The following SIRT1 variants were observed in gnomAD, a reference collection of about 807,000 sequenced individuals.
SIRT1 encodes the protein NAD-dependent protein deacetylase sirtuin-1.
A neutral mutation model predicts 67.9 loss-of-function variants in SIRT1; 24 were observed. That is an observed-to-expected ratio of 0.35 (90% CI 0.26 to 0.50). SIRT1 has a LOEUF of 0.50. Among genes scored for constraint, SIRT1 ranks in the 20% least tolerant of loss-of-function variants. SIRT1 has a pLI of 0.98. For synonymous variants in SIRT1, 378 were observed against 350.7 expected (o/e 1.08, Z -0.87); for missense variants, 873 against 937.2 (o/e 0.93, Z 0.89).
chr10:67,895,835 G>A lies in SIRT1; in HGVS notation c.942+4281G>A, dbSNP rs377626440. Among the ~76,000 whole-genome samples, 76 of 130,574 alleles carry A rather than the reference G, an allele frequency of 5.8e-4. No individual in the cohort carries two copies. In the East Asian group the frequency reaches 5.9e-3, roughly 10 times the overall value. 85.7% of individuals were successfully genotyped at this position (130,574 alleles called of 152,430 possible). A position where few individuals can be genotyped will look rare whatever the true frequency, so the allele number is the denominator to read the frequency against. On this transcript the variant is annotated intron_variant, in intron 4 of 8. Coordinates refer to ENST00000212015, the MANE Select transcript of SIRT1 (RefSeq NM_012238.5). Reference sequence around the variant, plus strand: ...CGGCTCACTACAACCTTCACCTCCCGAGTTCAAGCAATTCTGCTGCCTCAG... The same window carrying A: ...CGGCTCACTACAACCTTCACCTCCCAAGTTCAAGCAATTCTGCTGCCTCAG...
At chr10:67,896,853 ATG>A (rs529146339) in intron 4 of SIRT1, among the ~76,000 whole-genome samples, 532 of 151,384 alleles carry the variant, frequency 3.5e-3, no homozygotes, top group Non-Finnish European at 5.9e-3. Context: ...TGTCTTCAAA[ATG>A]TTCCTTGCAA....
chr10:67,893,067 C>T (rs891897317), intron 4 of SIRT1, among the ~76,000 whole-genome samples: 24 of 152,076 alleles, frequency 1.6e-4, no homozygotes, highest in African/African-American at 4.8e-4. Context: ...GTATTTCAGT[C>T]TTTTGGAAAG....
chr10:67,886,040 C>A (rs12257052), intron 1 of SIRT1, among the ~76,000 whole-genome samples: 1 of 150,036 alleles, frequency 6.7e-6, no homozygotes, highest in East Asian at 2.0e-4. Context: ...CCGCCTCCCG[C>A]GTTCAACCGA....
intron 6 of SIRT1, among the ~76,000 whole-genome samples, chr10:67,908,649 AT>A (rs1307489690): frequency 6.6e-6 from 1 of 152,200 alleles, no homozygotes; most frequent in African/African-American, 2.4e-5. Flanking sequence ...CATGCTTGTA[AT>A]CCCAGCACTT....
Position 67,891,638 on chromosome 10 carries a change from G to A in SIRT1, c.942+84G>A, listed in dbSNP as rs999045827. 12 of 1,377,296 alleles carry A rather than the reference G, an allele frequency of 8.7e-6. No individual in the cohort carries two copies. The South Asian group carries it at 1.1e-4, about 12-fold the overall frequency. The allele number at this position is 1,377,296 out of a possible 1,614,324, so 85.3% of individuals were successfully genotyped here. A position where few individuals can be genotyped will look rare whatever the true frequency, so the allele number is the denominator to read the frequency against. Reference sequence around the variant, plus strand: ...CACATACAGCCACCTTAAGGTTATCGTTCATTGTTTAGTAAAGTGAATGCT... The same window carrying A: ...CACATACAGCCACCTTAAGGTTATCATTCATTGTTTAGTAAAGTGAATGCT... On this transcript the variant is annotated intron_variant, in intron 4 of 8. Coordinates refer to ENST00000212015, the MANE Select transcript of SIRT1 (RefSeq NM_012238.5).
At chr10:67,887,995 C>T (rs1842512944) in intron 2 of SIRT1, among the ~76,000 whole-genome samples, 1 of 152,154 alleles carries the variant, frequency 6.6e-6, no homozygotes, top group Admixed American at 6.6e-5. Flanking sequence ...AGCTCTGTAT[C>T]TTACTTTTTA....
intron 4 of SIRT1, among the ~76,000 whole-genome samples, chr10:67,900,631 G>A (rs888761816): frequency 2.6e-5 from 4 of 151,496 alleles, no homozygotes; most frequent in African/African-American, 9.7e-5. Flanking sequence ...TTTTTTATAT[G>A]GACAGTCTTG....
intron 4 of SIRT1, among the ~76,000 whole-genome samples, chr10:67,900,709 G>T (rs537144021): frequency 1.3e-5 from 2 of 152,254 alleles, no homozygotes; most frequent in Admixed American, 6.5e-5. Context: ...TACTCAAAGT[G>T]CTGGGATTGT....
intron 4 of SIRT1, among the ~76,000 whole-genome samples, chr10:67,891,785 A>T (rs560361207): frequency 6.6e-6 from 1 of 152,274 alleles, no homozygotes; most frequent in African/African-American, 2.4e-5. Flanking sequence ...ATATTTTTAA[A>T]ATTTGCACTG....
chr10:67,892,612 C>CTT (rs1046872115), intron 4 of SIRT1, among the ~76,000 whole-genome samples: 2 of 139,252 alleles, frequency 1.4e-5, no homozygotes, highest in Admixed American at 7.2e-5. Flanking sequence ...TTTTTTTTTT[C>CTT]TTTTTTTGAG....
intron 8 of SIRT1, among the ~76,000 whole-genome samples, chr10:67,916,002 T>C (rs1170576580): frequency 6.6e-6 from 1 of 152,148 alleles, no homozygotes; most frequent in Non-Finnish European, 1.5e-5. Context: ...TTTAATTAAT[T>C]AATTTTTAAG....
At chr10:67,901,566 C>G (rs966577294) in intron 4 of SIRT1, among the ~76,000 whole-genome samples, 3 of 152,086 alleles carry the variant, frequency 2.0e-5, no homozygotes, top group African/African-American at 7.2e-5. Flanking sequence ...TCTTTGTTTT[C>G]TTTACAGCCT....
At chr10:67,908,483 A>G (rs34264517) in intron 6 of SIRT1, among the ~76,000 whole-genome samples, 147 of 152,336 alleles carry the variant, frequency 9.6e-4, no homozygotes, top group African/African-American at 3.4e-3. Flanking sequence ...TATTTCATAC[A>G]TGTTCATTGC....
intron 4 of SIRT1, among the ~76,000 whole-genome samples, chr10:67,901,246 C>T (rs1419221811): frequency 6.6e-6 from 1 of 151,978 alleles, no homozygotes; most frequent in African/African-American, 2.4e-5. Context: ...GATCCTCCCA[C>T]CTTAGCCTCC....
At chr10:67,915,576 T>A (rs1442447281) in intron 8 of SIRT1, among the ~76,000 whole-genome samples, 1 of 152,132 alleles carries the variant, frequency 6.6e-6, no homozygotes, top group East Asian at 1.9e-4. Flanking sequence ...GAATGTAAAT[T>A]TAGGTTCACA....
intron 4 of SIRT1, among the ~76,000 whole-genome samples, chr10:67,899,305 TA>T (rs34971866): frequency 8.0e-5 from 12 of 149,510 alleles, no homozygotes; most frequent in East Asian, 1.9e-4. Context: ...TTCTTAGCAT[TA>T]AAAAAAAAGT....
chr10:67,896,994 A>G (rs1248459665), intron 4 of SIRT1, among the ~76,000 whole-genome samples: 1 of 151,930 alleles, frequency 6.6e-6, no homozygotes, highest in African/African-American at 2.4e-5. Flanking sequence ...TGTCTCTACT[A>G]AGAATACAAA....
chr10:67,887,264 A>G (rs540302800), intron 1 of SIRT1, among the ~76,000 whole-genome samples, 153 bp from the exon 2 acceptor site: 4 of 152,332 alleles, frequency 2.6e-5, no homozygotes, highest in South Asian at 2.1e-4. Context: ...AACTGTTCCA[A>G]TGAACAGTGC....
chr10:67,891,576 GTTTC>G (rs1842574073), intron 4 of SIRT1, 22 bp downstream of exon 4: 1 of 1,610,892 alleles, frequency 6.2e-7, no homozygotes, highest in African/African-American at 1.3e-5. Context: ...TCTTCTGGTT[GTTTC>G]TTTGGCCTTC....
Sources: gnomAD v4.1 joint callset for allele counts (sites outside exome capture counted in the v4.1 genomes callset) on GRCh38, gnomAD v4.1.1 for gene constraint, MANE v1.5 for transcripts, NCBI Gene and HGNC (gene_info 2026-07-23, HGNC 2026-07-21) for gene names.